The following PARD3 variants were observed in gnomAD, a reference collection of about 807,000 sequenced individuals.
PARD3 encodes par-3 family cell polarity regulator.
Under a neutral mutation model 155.4 loss-of-function variants are expected in PARD3, and 75 were observed. The observed-to-expected ratio is 0.48, with a 90% CI of 0.40 to 0.58. The LOEUF is 0.58. Ranked by LOEUF, PARD3 falls within the 20% of genes least tolerant of loss-of-function variation. The pLI is 0.00. For synonymous variants in PARD3, 576 were observed against 610.5 expected, an observed-to-expected ratio of 0.94 and a Z score of 0.83; for missense variants, 1,642 against 1,721.7, an observed-to-expected ratio of 0.95 and a Z score of 0.82.
intron 1 of PARD3, among the ~76,000 whole-genome samples, chr10:34,696,981 T>C (rs1183832171): frequency 2.7e-5 from 4 of 145,864 alleles, no homozygotes; most frequent in Non-Finnish European, 4.5e-5. Flanking sequence ...AGCCTCTTTT[T>C]ACAGAGACAA....
intron 16 of PARD3, among the ~76,000 whole-genome samples, chr10:34,340,693 G>A (rs886393804): frequency 3.3e-5 from 5 of 151,986 alleles, no homozygotes; most frequent in Admixed American, 3.3e-4. Context: ...TTGGGGGAGT[G>A]GTTCACTTTG....
chr10:34,445,267 A>C (rs1321331980), intron 5 of PARD3, among the ~76,000 whole-genome samples: 1 of 152,242 alleles, frequency 6.6e-6, no homozygotes, highest in Non-Finnish European at 1.5e-5. Flanking sequence ...TGTATAAAGC[A>C]TAACCTAAGA....
intron 22 of PARD3, among the ~76,000 whole-genome samples, chr10:34,185,958 C>T (rs980910523): frequency 5.3e-5 from 8 of 151,878 alleles, no homozygotes; most frequent in Non-Finnish European, 1.0e-4. Flanking sequence ...CCAGGGGTTA[C>T]GTATCACCTT....
chr10:34,138,662 G>C (rs1948026617), intron 22 of PARD3, among the ~76,000 whole-genome samples: 1 of 152,134 alleles, frequency 6.6e-6, no homozygotes, highest in African/African-American at 2.4e-5. Context: ...CTTAAAAGAT[G>C]CCCCTTCAAA....
rs375361156 is a variant in PARD3 at position 34,524,106 on chromosome 10, GC to G, written c.223-6948del. ...AGAAAAACTAACCAAACACTAACAT[GC>G]TTTTGTAGATTATCACAGTGTATTA... On this transcript the variant is annotated intron_variant, in intron 2 of 24. Transcript: ENST00000374788. Among the ~76,000 whole-genome samples the G allele has an allele frequency of 2.4e-3, 365 of 152,126 alleles. 1 individual carries two copies. Among genetic ancestry groups the G allele is most frequent in the African/African-American group, 8.0e-3 (333 of 41,476 alleles).
chr10:34,612,602 T>C (rs573178058), intron 2 of PARD3, among the ~76,000 whole-genome samples: 1 of 152,376 alleles, frequency 6.6e-6, no homozygotes, highest in Admixed American at 6.5e-5. Flanking sequence ...CAAAGCCATG[T>C]GAACCTTGAT....
At chr10:34,811,189 G>A (rs576515144) in intron 1 of PARD3, among the ~76,000 whole-genome samples, 1 of 152,248 alleles carries the variant, frequency 6.6e-6, no homozygotes, top group Admixed American at 6.5e-5. Flanking sequence ...CATCCTCCTA[G>A]AACTACTTGT....
chr10:34,456,120 C>T (rs1589642558), intron 4 of PARD3, among the ~76,000 whole-genome samples: 1 of 152,146 alleles, frequency 6.6e-6, no homozygotes, highest in South Asian at 2.1e-4. Context: ...AACATCCATA[C>T]ATTTTTGTCA....
At position 34,717,129 on chromosome 10, in the gene PARD3, G is replaced by A. The variant is rs578004925; in HGVS notation, c.121-20710C>T. 1.7e-4 allele frequency among the ~76,000 whole-genome samples: 26 copies of A among 152,178 alleles called. No individual in the cohort carries two copies. In the South Asian group the frequency reaches 5.4e-3, roughly 32 times the overall value. ...CTGGTGACCTGGGCCTTGATGACAA[G>A]GGCATCTAGTGAGTGCAAGCCTTAT... is the stretch of plus-strand genomic sequence containing the variant. On this transcript the variant is annotated intron_variant, in intron 1 of 24. Coordinates refer to ENST00000374788, the MANE Select transcript of PARD3 (RefSeq NM_001184785.2).
chr10:34,307,741 G>A (rs1564568653), intron 20 of PARD3, among the ~76,000 whole-genome samples: 1 of 152,144 alleles, frequency 6.6e-6, no homozygotes, highest in African/African-American at 2.4e-5. Context: ...CCACTGAAGG[G>A]GTTTGGCAAT....
At chr10:34,451,076 T>C (rs2077028893) in intron 4 of PARD3, among the ~76,000 whole-genome samples, 1 of 152,204 alleles carries the variant, frequency 6.6e-6, no homozygotes, top group African/African-American at 2.4e-5. Flanking sequence ...CACTGTGACA[T>C]GGATATAACA....
chr10:34,668,980 C>A (rs984731578), intron 2 of PARD3, among the ~76,000 whole-genome samples: 8 of 152,052 alleles, frequency 5.3e-5, no homozygotes, highest in Non-Finnish European at 1.0e-4. Context: ...CATGGGGATA[C>A]AGCAGTGAAC....
intron 2 of PARD3, among the ~76,000 whole-genome samples, chr10:34,633,588 G>A (rs1243025614): frequency 2.0e-5 from 3 of 152,168 alleles, no homozygotes; most frequent in Non-Finnish European, 4.4e-5. Context: ...TCCGTCCAAC[G>A]TAGGCTGGTG....
At chr10:34,573,530 C>T (rs2086604580) in intron 2 of PARD3, among the ~76,000 whole-genome samples, 1 of 151,996 alleles carries the variant, frequency 6.6e-6, no homozygotes, top group East Asian at 1.9e-4. Context: ...GGTAAAACAC[C>T]ATCTCTACCA....
intron 6 of PARD3, 79 bp from the exon 7 acceptor site, chr10:34,399,492 C>A: frequency 1.1e-6 from 1 of 885,630 alleles, no homozygotes; most frequent in Non-Finnish European, 1.9e-6. Context: ...AAACAAAAAA[C>A]TGCAACAACA....
intron 7 of PARD3, among the ~76,000 whole-genome samples, chr10:34,385,678 A>G (rs1436028863): frequency 6.6e-6 from 1 of 152,232 alleles, no homozygotes; most frequent in African/African-American, 2.4e-5. Context: ...TCCAGTAGAA[A>G]TATACCAAAA....
intron 19 of PARD3, among the ~76,000 whole-genome samples, chr10:34,328,952 G>C (rs1254259614): frequency 1.3e-5 from 2 of 152,212 alleles, no homozygotes; most frequent in African/African-American, 4.8e-5. Flanking sequence ...TGTAGGTGCA[G>C]CGTGTTTTAG....
intron 1 of PARD3, among the ~76,000 whole-genome samples, chr10:34,789,271 GGGC>G (rs1297377191): frequency 6.6e-6 from 1 of 152,022 alleles, no homozygotes; most frequent in Non-Finnish European, 1.5e-5. Flanking sequence ...ACTCCAGCCT[GGGC>G]GACAGAGACT....
intron 5 of PARD3, among the ~76,000 whole-genome samples, chr10:34,440,635 T>C (rs554665329): frequency 1.7e-4 from 26 of 152,262 alleles, no homozygotes; most frequent in African/African-American, 6.3e-4. Context: ...TTTCACTCAG[T>C]AAAATTTCTA....
Sources: allele counts gnomAD v4.1 joint callset (sites outside exome capture counted in the v4.1 genomes callset), GRCh38; gene constraint gnomAD v4.1.1; transcripts MANE v1.5; gene names NCBI Gene and HGNC (gene_info 2026-07-23, HGNC 2026-07-21).